The following SPAG9 variants were observed in gnomAD, a reference collection of about 807,000 sequenced individuals.
The protein encoded by SPAG9 is C-Jun-amino-terminal kinase-interacting protein 4.
SPAG9 carries 35 observed loss-of-function variants against 166.5 expected under a neutral mutation model. The ratio of observed to expected loss-of-function variants is 0.21; its 90% CI spans 0.16 to 0.28. The LOEUF is 0.28. Ranked by LOEUF, SPAG9 falls within the 10% of genes least tolerant of loss-of-function variation. The pLI, the probability that SPAG9 is intolerant of heterozygous loss-of-function variation, is 1.00. For synonymous variants in SPAG9, 534 were observed against 565.5 expected (o/e 0.94, Z 0.79); for missense variants, 1,235 against 1,603.3 (o/e 0.77, Z 3.92).
chr17:51,026,079 T>C (rs1206005963), intron 6 of SPAG9, among the ~76,000 whole-genome samples: 3 of 152,148 alleles, frequency 2.0e-5, no homozygotes, highest in South Asian at 2.1e-4. Flanking sequence ...GAGGTCAATC[T>C]TGGAATTCTC....
chr17:51,100,097 C>G (rs908892519), intron 1 of SPAG9, among the ~76,000 whole-genome samples: 1 of 151,796 alleles, frequency 6.6e-6, no homozygotes, highest in Non-Finnish European at 1.5e-5. Flanking sequence ...GAGACTCTGT[C>G]TCCAAAAAAA....
At chr17:51,037,956 G>A (rs143324296) in intron 5 of SPAG9, among the ~76,000 whole-genome samples, 33 of 151,880 alleles carry the variant, frequency 2.2e-4, no homozygotes, top group East Asian at 1.7e-3. Flanking sequence ...GAAGTCCCCC[G>A]GTACGAAATT....
chr17:50,999,601 T>C, intron 14 of SPAG9, 60 bp downstream of exon 14: 1 of 1,521,852 alleles, frequency 6.6e-7, no homozygotes, highest in Non-Finnish European at 9.0e-7. Context: ...TGGAAATAAA[T>C]TTTGACTGTA....
intron 2 of SPAG9, among the ~76,000 whole-genome samples, chr17:51,072,512 A>G (rs569743211): frequency 1.6e-4 from 24 of 151,510 alleles, no homozygotes; most frequent in African/African-American, 5.6e-4. Context: ...GTGAAACTCC[A>G]TCTCTACTAA....
At chr17:51,066,378 T>A (rs2047665234) in intron 2 of SPAG9, among the ~76,000 whole-genome samples, 2 of 151,924 alleles carry the variant, frequency 1.3e-5, no homozygotes, top group Non-Finnish European at 2.9e-5. Context: ...TCCAAAATAC[T>A]GAGATTACAG....
chr17:51,047,554 G>T, intron 3 of SPAG9, 85 bp from the exon 4 acceptor site: 1 of 608,624 alleles, frequency 1.6e-6, no homozygotes. Context: ...AAAACATTTT[G>T]GTACAATTTT....
intron 2 of SPAG9, among the ~76,000 whole-genome samples, chr17:51,062,055 G>T (rs2047533795): frequency 6.6e-6 from 1 of 151,862 alleles, no homozygotes; most frequent in South Asian, 2.1e-4. Context: ...CAGAAAAAGG[G>T]CATTTAGCAC....
In SPAG9 at chr17:51,007,730, C is replaced by T; in HGVS notation, c.1214-404G>A. 5.3e-6 allele frequency: 2 copies of T among 378,492 alleles called. 1 individual carries two copies. The highest frequency in any genetic ancestry group is 4.0e-5 in the South Asian group (2 of 49,670). 23.4% of individuals were successfully genotyped at this position (378,492 alleles called of 1,614,324 possible). A position where few individuals can be genotyped will look rare whatever the true frequency, so the allele number is the denominator to read the frequency against. On this transcript the variant is annotated intron_variant, in intron 9 of 29. Coordinates refer to ENST00000262013, the MANE Select transcript of SPAG9 (RefSeq NM_001130528.3). ...ATATGGATCGAAATTGTTTCTAAAT[C>T]ACATCTGACCTCGTAGGCTTTTGCC...
At chr17:50,971,109 T>C (rs1348166900) in intron 28 of SPAG9, among the ~76,000 whole-genome samples, 1 of 152,002 alleles carries the variant, frequency 6.6e-6, no homozygotes, top group Non-Finnish European at 1.5e-5. Flanking sequence ...GGCCAGGAGA[T>C]TGGGACCAGC....
At chr17:51,091,984 T>TAAAAAAAAAAAAAAAAAAAAAAA (rs66581264) in intron 1 of SPAG9, among the ~76,000 whole-genome samples, 1 of 129,270 alleles carries the variant, frequency 7.7e-6, no homozygotes, top group African/African-American at 2.8e-5. Context: ...CTCCCAAAGT[T>TAAAAAAAAAAAAAAAAAAAAAAA]AAAAAAAAAA....
At chr17:51,021,112 G>T in intron 7 of SPAG9, 46 bp downstream of exon 7, 2 of 1,496,016 alleles carry the variant, frequency 1.3e-6, no homozygotes, top group African/African-American at 1.4e-5. Flanking sequence ...CATTATCCAG[G>T]TTTACTGAAT....
At chr17:51,111,635 C>A (rs909688558) in intron 1 of SPAG9, among the ~76,000 whole-genome samples, 2 of 152,096 alleles carry the variant, frequency 1.3e-5, no homozygotes, top group African/African-American at 4.8e-5. Flanking sequence ...CACAGTCTCA[C>A]TCTGTAGCTC....
At chr17:51,076,361 C>T (rs1403557991) in intron 2 of SPAG9, among the ~76,000 whole-genome samples, 1 of 151,772 alleles carries the variant, frequency 6.6e-6, no homozygotes, top group Non-Finnish European at 1.5e-5. Flanking sequence ...AAGCACAAGT[C>T]GCAGTGAACA....
At chr17:51,032,418 C>T (rs986112516) in intron 5 of SPAG9, among the ~76,000 whole-genome samples, 64 of 152,246 alleles carry the variant, frequency 4.2e-4, no homozygotes, top group African/African-American at 1.5e-3. Flanking sequence ...TCTTCCTTGG[C>T]CTCCCAAAGT....
In SPAG9 at chr17:51,003,827, C is replaced by T. The variant is rs539197586; in HGVS notation, c.1476+1385G>A. Among the ~76,000 whole-genome samples the T allele has an allele frequency of 5.3e-5, 8 of 152,346 alleles. No homozygotes were observed. In the South Asian group the frequency reaches 1.2e-3, roughly 24 times the overall value. Reference sequence around the variant, plus strand: ...TGATAAAGATCTTAAGTTTATAACACAGCAAGCCCACTAGTAGGTATGTAC... The same window carrying T: ...TGATAAAGATCTTAAGTTTATAACATAGCAAGCCCACTAGTAGGTATGTAC... On this transcript the variant is annotated intron_variant, in intron 12 of 29. Transcript: ENST00000262013.
intron 2 of SPAG9, among the ~76,000 whole-genome samples, chr17:51,078,768 C>G (rs569784855): frequency 2.0e-5 from 3 of 151,646 alleles, no homozygotes; most frequent in African/African-American, 7.3e-5. Flanking sequence ...TCTATTCCCC[C>G]CAAATGGCCC....
intron 1 of SPAG9, among the ~76,000 whole-genome samples, chr17:51,109,139 G>A (rs1283361806): frequency 1.3e-5 from 2 of 151,704 alleles, no homozygotes; most frequent in Non-Finnish European, 2.9e-5. Flanking sequence ...TAAGATTACA[G>A]GCATGAGCCA....
chr17:50,999,456 G>A (rs748836599), intron 14 of SPAG9: 28 of 1,486,544 alleles, frequency 1.9e-5, no homozygotes, highest in East Asian at 2.5e-5. Context: ...CATATTTTTT[G>A]TCCTTGAGAA....
chr17:51,045,774 G>C (rs2046996742), intron 4 of SPAG9, among the ~76,000 whole-genome samples: 1 of 152,082 alleles, frequency 6.6e-6, no homozygotes, highest in South Asian at 2.1e-4. Context: ...TGTAAGTAGA[G>C]TGAGCAACAG....
Sources: allele counts gnomAD v4.1 joint callset (sites outside exome capture counted in the v4.1 genomes callset), GRCh38; gene constraint gnomAD v4.1.1; transcripts MANE v1.5; gene names NCBI Gene and HGNC (gene_info 2026-07-23, HGNC 2026-07-21).